The following GPC3 variants were observed in gnomAD, a reference collection of about 807,000 sequenced individuals.
GPC3 encodes the protein glypican-3.
A neutral mutation model predicts 34.4 loss-of-function variants in GPC3; 3 were observed. The ratio of observed to expected loss-of-function variants is 0.09; its 90% CI spans 0.04 to 0.23. The LOEUF (loss-of-function observed/expected upper bound fraction) is 0.23. GPC3 is among the 10% of genes least tolerant of loss of function. The pLI is 1.00. For synonymous variants in GPC3, 177 were observed against 174.0 expected, an observed-to-expected ratio of 1.02 and a Z score of -0.13; for missense variants, 351 against 445.6, an observed-to-expected ratio of 0.79 and a Z score of 1.91.
chrX:133,540,917 T>G (rs1440162082), intron 7 of GPC3, among the ~76,000 whole-genome samples: 9 of 51,560 alleles, frequency 1.7e-4, no homozygotes, highest in East Asian at 4.0e-4. Flanking sequence ...ATTGTTGTGG[T>G]GTGTGTGTGT....
At chrX:133,904,809 T>C (rs1279145419) in intron 2 of GPC3, among the ~76,000 whole-genome samples, 1 of 111,304 alleles carries the variant, frequency 9.0e-6, no homozygotes, top group Admixed American at 9.6e-5. Flanking sequence ...CAGCACTAAA[T>C]AAGTAGCAAT....
At chrX:133,567,393 A>C (rs1485473001) in intron 7 of GPC3, among the ~76,000 whole-genome samples, 1 of 112,564 alleles carries the variant, frequency 8.9e-6, no homozygotes, top group Non-Finnish European at 1.9e-5. Context: ...GAATGTGGTC[A>C]AATCACACCC....
intron 2 of GPC3, among the ~76,000 whole-genome samples, chrX:133,920,782 A>G (rs1156411486): frequency 8.9e-6 from 1 of 112,511 alleles, no homozygotes; most frequent in Non-Finnish European, 1.9e-5. Flanking sequence ...AAAACTTTTT[A>G]TTTTAAAATA....
intron 2 of GPC3, among the ~76,000 whole-genome samples, chrX:133,771,928 C>T (rs946811863): frequency 1.8e-5 from 2 of 111,530 alleles, no homozygotes; most frequent in African/African-American, 6.5e-5. Context: ...TTAGCTTGCT[C>T]CATTCCTATG....
chrX:133,614,831 A>T (rs1486376029), intron 6 of GPC3, among the ~76,000 whole-genome samples: 1 of 111,393 alleles, frequency 9.0e-6, no homozygotes, highest in African/African-American at 3.3e-5. Flanking sequence ...CAGAGAGAAG[A>T]CTCAAATTAC....
At chrX:133,624,063 G>C (rs2070266969) in intron 6 of GPC3, among the ~76,000 whole-genome samples, 1 of 111,833 alleles carries the variant, frequency 8.9e-6, no homozygotes, top group Non-Finnish European at 1.9e-5. Flanking sequence ...TGACTACTGG[G>C]TACATAACGA....
rs143910281 is a variant in GPC3, at chrX:133,782,820, G to A, written c.338-28644C>T. Among the ~76,000 whole-genome samples the A allele has an allele frequency of 9.0e-3, 1,006 of 111,718 alleles. 13 individuals are homozygous for A. Among genetic ancestry groups the A allele is most frequent in the African/African-American group, 0.031 (946 of 30,730 alleles). ...CTGGATGCTTATCATATAAATGTCTGTGCCTAGTTCCCATGGTTACAGATA... is the reference window on the plus strand; with the variant it reads ...CTGGATGCTTATCATATAAATGTCTATGCCTAGTTCCCATGGTTACAGATA... On this transcript the variant is annotated intron_variant, in intron 2 of 7. Coordinates refer to ENST00000370818, the MANE Select transcript of GPC3 (RefSeq NM_004484.4).
At chrX:133,583,537 G>T (rs1041579744) in intron 7 of GPC3, among the ~76,000 whole-genome samples, 5 of 110,689 alleles carry the variant, frequency 4.5e-5, no homozygotes, top group African/African-American at 6.6e-5. Flanking sequence ...GCTAATTTTT[G>T]TATTTTTAGT....
At chrX:133,879,821 A>C (rs770438475) in intron 2 of GPC3, among the ~76,000 whole-genome samples, 5 of 110,025 alleles carry the variant, frequency 4.5e-5, no homozygotes, top group Non-Finnish European at 9.5e-5. Flanking sequence ...AAAAAAAAAG[A>C]TGCAATTCTT....
chrX:133,969,989 T>G (rs963370263), intron 1 of GPC3, among the ~76,000 whole-genome samples: 5 of 112,646 alleles, frequency 4.4e-5, no homozygotes, highest in Non-Finnish European at 9.4e-5. Context: ...CAACTATTAC[T>G]ATTTGTTTGA....
chrX:133,953,891 T>C (rs926576068), intron 1 of GPC3, among the ~76,000 whole-genome samples: 3 of 111,663 alleles, frequency 2.7e-5, no homozygotes, highest in Non-Finnish European at 5.6e-5. Context: ...AAACATAATG[T>C]CAAAAGGTGA....
At chrX:133,550,395 A>G (rs1257561559) in intron 7 of GPC3, among the ~76,000 whole-genome samples, 1 of 111,103 alleles carries the variant, frequency 9.0e-6, no homozygotes, top group Non-Finnish European at 1.9e-5. Context: ...AGCCAAATAA[A>G]TCACTTCTCT....
chrX:133,969,715 C>A lies in GPC3; in HGVS notation c.175+15560G>T, dbSNP rs764325497. The stretch of plus-strand genomic sequence containing the variant: ...CAAGTTGAATGCATATGCAAAAAAA[C>A]CCCAGTTTAAAAAGAAATAAAAATA... On this transcript the variant is annotated intron_variant, in intron 1 of 7. Transcript: ENST00000370818. 4.5e-5 allele frequency among the ~76,000 whole-genome samples: 5 copies of A among 111,459 alleles called. No homozygotes were observed. In the East Asian group the frequency reaches 1.4e-3, roughly 32 times the overall value.
At chrX:133,666,949 C>T (rs2070774053) in intron 5 of GPC3, among the ~76,000 whole-genome samples, 2 of 111,792 alleles carry the variant, frequency 1.8e-5, no homozygotes, top group South Asian at 7.4e-4. Flanking sequence ...TTTTTATATC[C>T]TTCTATATTT....
At chrX:133,790,724 G>A (rs766111925) in intron 2 of GPC3, among the ~76,000 whole-genome samples, 2 of 110,986 alleles carry the variant, frequency 1.8e-5, no homozygotes, top group African/African-American at 6.6e-5. Context: ...ATCTACATAT[G>A]ATAATAGATT....
intron 3 of GPC3, among the ~76,000 whole-genome samples, chrX:133,720,085 G>A (rs934176056): frequency 9.3e-6 from 1 of 108,007 alleles, no homozygotes; most frequent in African/African-American, 3.4e-5. Context: ...TGGTGAAAAG[G>A]GAACACTTCT....
chrX:133,731,200 G>A (rs2071459664), intron 3 of GPC3, among the ~76,000 whole-genome samples: 1 of 112,259 alleles, frequency 8.9e-6, no homozygotes, highest in Non-Finnish European at 1.9e-5. Context: ...TAATTTCAGA[G>A]GATACCTCCC....
intron 6 of GPC3, among the ~76,000 whole-genome samples, chrX:133,611,398 G>T (rs949528289): frequency 8.9e-6 from 1 of 111,821 alleles, no homozygotes; most frequent in Non-Finnish European, 1.9e-5. Flanking sequence ...AGAGGAAAAG[G>T]CTTGGTTCCT....
At chrX:133,739,938 T>C (rs2071548814) in intron 3 of GPC3, among the ~76,000 whole-genome samples, 1 of 111,852 alleles carries the variant, frequency 8.9e-6, no homozygotes, top group Non-Finnish European at 1.9e-5. Flanking sequence ...GAAGCCCATG[T>C]TCTTTTCACT....
Sources: gnomAD v4.1 joint callset for allele counts (sites outside exome capture counted in the v4.1 genomes callset) on GRCh38, gnomAD v4.1.1 for gene constraint, MANE v1.5 for transcripts, NCBI Gene and HGNC (gene_info 2026-07-23, HGNC 2026-07-21) for gene names.